The following RAC1 variants were observed in gnomAD, a reference collection of about 807,000 sequenced individuals.
The protein encoded by RAC1 is ras-related C3 botulinum toxin substrate 1.
A neutral mutation model predicts 25.2 loss-of-function variants in RAC1; 2 were observed. That is an observed-to-expected ratio of 0.08 (90% confidence interval 0.03 to 0.25). The LOEUF (loss-of-function observed/expected upper bound fraction) is 0.25. Among genes scored for constraint, RAC1 ranks in the 10% least tolerant of loss-of-function variants. The pLI is 1.00. For synonymous variants in RAC1, 88 were observed against 94.0 expected (o/e 0.94, Z 0.37); for missense variants, 50 against 235.7 (o/e 0.21, Z 5.16).
At chr7:6,392,113 T>C in intron 3 of RAC1, 72 bp downstream of exon 3, 2 of 1,602,942 alleles carry the variant, frequency 1.2e-6, no homozygotes, top group African/African-American at 2.7e-5. Flanking sequence ...TAGTGCATGT[T>C]ACCTATGGAC....
intron 2 of RAC1, among the ~76,000 whole-genome samples, chr7:6,388,564 A>G (rs535638491): frequency 4.0e-5 from 6 of 151,506 alleles, no homozygotes; most frequent in Non-Finnish European, 8.8e-5. Context: ...GGTTGGTCTC[A>G]AACTCCTGAC....
chr7:6,376,349 A>C (rs1369754499), intron 1 of RAC1, among the ~76,000 whole-genome samples: 3 of 151,090 alleles, frequency 2.0e-5, no homozygotes, highest in Non-Finnish European at 2.9e-5. Context: ...TGTCCGGCTA[A>C]TTTTTGTATT....
chr7:6,384,544 C>T (rs747361720), intron 1 of RAC1, among the ~76,000 whole-genome samples: 11 of 152,142 alleles, frequency 7.2e-5, no homozygotes, highest in Non-Finnish European at 1.3e-4. Context: ...GTGGTGTGAT[C>T]ACAGCTCACT....
intron 2 of RAC1, among the ~76,000 whole-genome samples, chr7:6,391,233 T>C (rs1402683084): frequency 2.0e-5 from 3 of 149,910 alleles, no homozygotes; most frequent in Admixed American, 1.3e-4. Flanking sequence ...TTTTTTTTTT[T>C]CTTTTTTGCC....
At chr7:6,401,141 AGAC>A (rs1783389503) in intron 4 of RAC1, among the ~76,000 whole-genome samples, 1 of 152,122 alleles carries the variant, frequency 6.6e-6, no homozygotes, top group Non-Finnish European at 1.5e-5. Context: ...CTTTTAGTAG[AGAC>A]GGGGTTTCAC....
intron 3 of RAC1, among the ~76,000 whole-genome samples, chr7:6,398,232 A>G (rs1783301707): frequency 6.6e-6 from 1 of 152,110 alleles, no homozygotes; most frequent in Admixed American, 6.5e-5. Flanking sequence ...TCATTTACAG[A>G]CGGGTCCTTT....
chr7:6,389,550 C>G (rs942302178), intron 2 of RAC1, among the ~76,000 whole-genome samples: 4 of 151,916 alleles, frequency 2.6e-5, no homozygotes, highest in Admixed American at 6.6e-5. Flanking sequence ...CATGGTGGCA[C>G]ATGACTATAA....
chr7:6,378,229 T>TA (rs1173128635), intron 1 of RAC1, among the ~76,000 whole-genome samples: 1 of 152,118 alleles, frequency 6.6e-6, no homozygotes, highest in African/African-American at 2.4e-5. Context: ...CCCTGACTGA[T>TA]AGAGACTGAT....
At chr7:6,383,953 C>T (rs528276290) in intron 1 of RAC1, among the ~76,000 whole-genome samples, 37 of 151,622 alleles carry the variant, frequency 2.4e-4, no homozygotes, top group African/African-American at 6.5e-4. Context: ...CAGGCATGCA[C>T]GCCCGGCTAA....
chr7:6,400,100 T>A lies in RAC1; in HGVS notation c.226-26T>A, dbSNP rs750232287. The A allele has an allele frequency of 3.2e-6, 5 of 1,587,254 alleles. No individual in the cohort carries two copies. The East Asian group carries it at 1.1e-4, about 35-fold the overall frequency. On this transcript the variant is annotated intron_variant, in intron 3 of 5. Coordinates refer to ENST00000348035, the MANE Select transcript of RAC1 (RefSeq NM_006908.5). ...CTTCATTCTAAGGTTGTTGTCTAAA[T>A]GTTTCCCTGTGTTTCCTTTTTGTAG... is the stretch of plus-strand genomic sequence containing the variant.
At chr7:6,394,672 A>AGTTGTTGTT (rs141162322) in intron 3 of RAC1, among the ~76,000 whole-genome samples, 27 of 151,516 alleles carry the variant, frequency 1.8e-4, no homozygotes, top group Admixed American at 1.7e-3. Flanking sequence ...CTAGGCTAAA[A>AGTTGTTGTT]GTTGTTGTTG....
chr7:6,376,563 C>T (rs1325547789), intron 1 of RAC1, among the ~76,000 whole-genome samples: 2 of 142,986 alleles, frequency 1.4e-5, no homozygotes, highest in Non-Finnish European at 3.0e-5. Flanking sequence ...AGTGCAATGG[C>T]GCGATCTCTG....
Position 6,403,148 on chromosome 7 carries a change from C to G in RAC1, c.*702C>G, listed in dbSNP as rs965246899. The G allele has an allele frequency of 5.1e-5, 11 of 217,188 alleles. No individual in the cohort carries two copies. Among genetic ancestry groups the G allele is most frequent in the African/African-American group, 2.5e-4 (11 of 44,312 alleles). 13.5% of individuals were successfully genotyped at this position (217,188 alleles called of 1,614,324 possible). On this transcript the variant is annotated 3_prime_UTR_variant, in exon 6 of 6. Transcript: ENST00000348035. Reference sequence around the variant, plus strand: ...GTGTGCCGGGTGGGGTGTGTGTGATCAAAGGACAAAGACAGTATTTTGACA... The same window carrying G: ...GTGTGCCGGGTGGGGTGTGTGTGATGAAAGGACAAAGACAGTATTTTGACA...
At chr7:6,378,336 A>G (rs1295943664) in intron 1 of RAC1, among the ~76,000 whole-genome samples, 1 of 152,114 alleles carries the variant, frequency 6.6e-6, no homozygotes, top group Non-Finnish European at 1.5e-5. Flanking sequence ...ACCTGAGGTC[A>G]GGAGCTCGAG....
At chr7:6,376,189 T>TTTTTTG in intron 1 of RAC1, among the ~76,000 whole-genome samples, 1 of 141,262 alleles carries the variant, frequency 7.1e-6, no homozygotes. Context: ...TTTTTTTTTT[T>TTTTTTG]TTTTTTTTTT....
At chr7:6,378,189 TCTTCTGGGATGAGTTTTTTC>T (rs1201231452) in intron 1 of RAC1, among the ~76,000 whole-genome samples, 2 of 152,204 alleles carry the variant, frequency 1.3e-5, no homozygotes, top group East Asian at 3.8e-4. Context: ...TCTATTTCAA[TCTTCTGGGATGAGTTTTTTC>T]CTTCTGGGAC....
chr7:6,400,669 TTTTTTGTTTTTG>T (rs34596091), intron 4 of RAC1, among the ~76,000 whole-genome samples: 2 of 151,896 alleles, frequency 1.3e-5, no homozygotes, highest in African/African-American at 4.8e-5. Flanking sequence ...GAGAGTCTTT[TTTTTTGTTTTTG>T]TTTTTGTTTT....
chr7:6,391,704 T>G, intron 2 of RAC1: 1 of 548,466 alleles, frequency 1.8e-6, no homozygotes, highest in African/African-American at 1.9e-5. Flanking sequence ...TAGCTTGTTG[T>G]TTGTTTCTTT....
intron 2 of RAC1, among the ~76,000 whole-genome samples, chr7:6,387,633 G>C (rs1782959033): frequency 6.6e-6 from 1 of 151,924 alleles, no homozygotes; most frequent in Non-Finnish European, 1.5e-5. Flanking sequence ...GCTGAGGCAG[G>C]AGAATCACTC....
Sources: allele counts gnomAD v4.1 joint callset (sites outside exome capture counted in the v4.1 genomes callset), GRCh38; gene constraint gnomAD v4.1.1; transcripts MANE v1.5; gene names NCBI Gene and HGNC (gene_info 2026-07-23, HGNC 2026-07-21).